Variants in FGF14 observed in about 807,000 individuals in gnomAD.
FGF14 encodes fibroblast growth factor 14.
Under a neutral mutation model 25.5 loss-of-function variants are expected in FGF14, and 5 were observed. The ratio of observed to expected loss-of-function variants is 0.20; its 90% confidence interval spans 0.10 to 0.41. The LOEUF (loss-of-function observed/expected upper bound fraction) is 0.41. Ranked by LOEUF, FGF14 falls within the 10% of genes least tolerant of loss-of-function variation. The probability of loss-of-function intolerance (pLI) is 1.00; values close to 1 mark genes in which losing one functional copy is unlikely to be tolerated. For missense variants in FGF14, 222 were observed against 320.1 expected, an observed-to-expected ratio of 0.69 and a Z score of 2.34; for synonymous variants, 138 against 118.3, an observed-to-expected ratio of 1.17 and a Z score of -1.08.
chr13:102,272,184 G>A (rs773608459), intron 1 of FGF14, among the ~76,000 whole-genome samples: 33 of 151,870 alleles, frequency 2.2e-4, no homozygotes, highest in Non-Finnish European at 3.4e-4. Context: ...CCTTTTTACC[G>A]ACAGTTCCCT....
intron 1 of FGF14, among the ~76,000 whole-genome samples, chr13:101,884,062 C>CAAAAAAAAAAAAAAAAAAAAAAAAAA (rs11315735): frequency 2.1e-4 from 8 of 37,832 alleles, no homozygotes; most frequent in East Asian, 9.3e-4. Flanking sequence ...GACTCCATCT[C>CAAAAAAAAAAAAAAAAAAAAAAAAAA]AAAAAAAAAA....
chr13:102,220,824 C>A (rs1041287048), intron 1 of FGF14, among the ~76,000 whole-genome samples: 4 of 152,206 alleles, frequency 2.6e-5, no homozygotes, highest in Non-Finnish European at 4.4e-5. Flanking sequence ...ATCAGCCCGG[C>A]TGGCTCTTAC....
At chr13:102,207,195 G>T (rs537766993) in intron 1 of FGF14, among the ~76,000 whole-genome samples, 1 of 151,398 alleles carries the variant, frequency 6.6e-6, no homozygotes, top group African/African-American at 2.4e-5. Flanking sequence ...CAGGAAAATC[G>T]CTTGAACCCA....
chr13:102,236,472 C>T (rs182519082), intron 1 of FGF14, among the ~76,000 whole-genome samples: 5 of 152,274 alleles, frequency 3.3e-5, no homozygotes, highest in South Asian at 2.1e-4. Context: ...TCTCACCGGA[C>T]GCAAACAGGA....
intron 1 of FGF14, among the ~76,000 whole-genome samples, chr13:102,316,246 G>T (rs989635679): frequency 2.6e-5 from 4 of 152,108 alleles, no homozygotes; most frequent in African/African-American, 9.7e-5. Context: ...AGTTTTCATG[G>T]CATACTATCA....
chr13:102,038,232 T>C (rs1032847763), intron 1 of FGF14, among the ~76,000 whole-genome samples: 1 of 152,150 alleles, frequency 6.6e-6, no homozygotes, highest in East Asian at 1.9e-4. Context: ...AAAAGTATCT[T>C]AACTTCTTTT....
At chr13:102,202,418 C>T (rs1419665872) in intron 1 of FGF14, among the ~76,000 whole-genome samples, 1 of 152,128 alleles carries the variant, frequency 6.6e-6, no homozygotes, top group Non-Finnish European at 1.5e-5. Flanking sequence ...GAGCAGGAAG[C>T]AAGTTTATGA....
chr13:101,753,835 C>G (rs73568259), intron 3 of FGF14, among the ~76,000 whole-genome samples: 2,928 of 151,716 alleles, frequency 0.019, 110 homozygotes, highest in African/African-American at 0.067. Context: ...TTGTTTATCT[C>G]AACAGTGTAG....
chr13:102,192,049 G>C (rs2049145925), intron 1 of FGF14, among the ~76,000 whole-genome samples: 1 of 152,102 alleles, frequency 6.6e-6, no homozygotes, highest in Non-Finnish European at 1.5e-5. Flanking sequence ...CTGCCTCCAG[G>C]CTTTTACACA....
chr13:102,099,852 G>A (rs1213733498), intron 1 of FGF14, among the ~76,000 whole-genome samples: 2 of 152,022 alleles, frequency 1.3e-5, no homozygotes, highest in African/African-American at 2.4e-5. Context: ...GTTTAGTAGG[G>A]CCCTAGCAAT....
chr13:101,904,807 A>AT (rs2032031352), intron 1 of FGF14, among the ~76,000 whole-genome samples: 1 of 152,244 alleles, frequency 6.6e-6, no homozygotes, highest in South Asian at 2.1e-4. Flanking sequence ...ATTTCTAATG[A>AT]TAAAAAATGT....
chr13:102,261,236 T>C (rs1047294765), intron 1 of FGF14, among the ~76,000 whole-genome samples: 14 of 152,308 alleles, frequency 9.2e-5, no homozygotes, highest in African/African-American at 3.4e-4. Context: ...AAGAAGCAAT[T>C]AGATAATTTT....
Position 102,323,957 on chromosome 13 carries a change from ATGTGTGTGTGTG to A in FGF14, c.208+77502_208+77513del, listed in dbSNP as rs3066051. Among the ~76,000 whole-genome samples, 716 of 136,522 alleles carry A rather than the reference ATGTGTGTGTGTG, an allele frequency of 5.2e-3. 6 individuals carry two copies. Among genetic ancestry groups the A allele is most frequent in the African/African-American group, 0.014 (521 of 37,464 alleles). The allele number at this position is 136,522 out of a possible 152,430, so 89.6% of individuals were successfully genotyped here. On this transcript the variant is annotated intron_variant, in intron 1 of 4. Coordinates refer to the FGF14 transcript ENST00000376131. ...TCTTTAAAGGATCCCAACGTGCAGT[ATGTGTGTGTGTG>A]TGTGTGTGTGTGTGTGTGTGTGTGT... is the stretch of plus-strand genomic sequence containing the variant.
Position 101,720,724 on chromosome 13 carries a change from A to C in FGF14, c.*2107T>G, listed in dbSNP as rs1036112806. On this transcript the variant is annotated 3_prime_UTR_variant, in exon 5 of 5. Transcript: ENST00000376143. ...AATTGGTTAATGGAAGTTATCTAAT[A>C]TATTTTAACTGTTCCTGTTAAAAAC... 1 of 150,944 alleles carries C rather than the reference A, an allele frequency of 6.6e-6. No individual in the cohort carries two copies. The highest frequency in any genetic ancestry group is 1.5e-5 in the Non-Finnish European group (1 of 68,026). 9.4% of individuals were successfully genotyped at this position (150,944 alleles called of 1,614,324 possible).
At chr13:101,964,957 T>C (rs986370233) in intron 1 of FGF14, among the ~76,000 whole-genome samples, 1 of 152,142 alleles carries the variant, frequency 6.6e-6, no homozygotes, top group African/African-American at 2.4e-5. Flanking sequence ...CCTTCTCTTT[T>C]ATGGCCAGGC....
intron 1 of FGF14, among the ~76,000 whole-genome samples, chr13:102,377,595 G>A (rs762489889): frequency 2.0e-5 from 3 of 152,142 alleles, no homozygotes; most frequent in Non-Finnish European, 4.4e-5. Flanking sequence ...GATCACCTGA[G>A]GTTGGGAATT....
At chr13:102,099,184 GTCA>G (rs2044543665) in intron 1 of FGF14, among the ~76,000 whole-genome samples, 1 of 152,116 alleles carries the variant, frequency 6.6e-6, no homozygotes, top group South Asian at 2.1e-4. Context: ...GGGCCTAAAA[GTCA>G]TAGTTTTTCA....
At chr13:102,373,725 A>C (rs1225167194) in intron 1 of FGF14, 1 of 152,178 alleles carries the variant, frequency 6.6e-6, no homozygotes, top group African/African-American at 2.4e-5. Context: ...TATTATTTGA[A>C]TAAATGGAAT....
chr13:102,359,459 A>G (rs1218241045), intron 1 of FGF14, among the ~76,000 whole-genome samples: 1 of 152,190 alleles, frequency 6.6e-6, no homozygotes, highest in African/African-American at 2.4e-5. Context: ...TGATGATGTA[A>G]TCAAAATACC....
Sources: allele counts gnomAD v4.1 joint callset (sites outside exome capture counted in the v4.1 genomes callset), GRCh38; gene constraint gnomAD v4.1.1; transcripts MANE v1.5; gene names NCBI Gene and HGNC (gene_info 2026-07-23, HGNC 2026-07-21).